The following FAM117A variants were observed in gnomAD, a reference collection of about 807,000 sequenced individuals.
The protein encoded by FAM117A is protein FAM117A.
Under a neutral mutation model 44.1 loss-of-function variants are expected in FAM117A, and 21 were observed. The observed-to-expected ratio is 0.48, with a 90% CI of 0.34 to 0.69. The LOEUF (loss-of-function observed/expected upper bound fraction) is 0.69. FAM117A is among the 30% of genes least tolerant of loss of function. The probability of loss-of-function intolerance (pLI) is 0.01; values close to 1 mark genes in which losing one functional copy is unlikely to be tolerated. For missense variants in FAM117A, 498 were observed against 589.9 expected (o/e 0.84, Z 1.61); for synonymous variants, 220 against 238.3 (o/e 0.92, Z 0.71).
chr17:49,767,405 A>G (rs1365417950), upstream of FAM117A, among the ~76,000 whole-genome samples: 1 of 152,210 alleles, frequency 6.6e-6, no homozygotes, highest in East Asian at 1.9e-4. Flanking sequence ...AATGAACACT[A>G]TGTGCCAGAC....
At chr17:49,750,359 G>C (rs1442647382) in intron 1 of FAM117A, among the ~76,000 whole-genome samples, 2 of 148,990 alleles carry the variant, frequency 1.3e-5, no homozygotes, top group Admixed American at 1.3e-4. Flanking sequence ...CTGGAGGAGG[G>C]GAGGATCAAG....
chr17:49,764,515 G>C (rs1036590038), upstream of FAM117A, among the ~76,000 whole-genome samples: 1 of 152,182 alleles, frequency 6.6e-6, no homozygotes, highest in Non-Finnish European at 1.5e-5. Flanking sequence ...GTGTAGGTTG[G>C]AGTCAAACAC....
chr17:49,720,133 G>A (rs2073526520), intron 4 of FAM117A, 193 bp downstream of exon 4: 2 of 667,738 alleles, frequency 3.0e-6, no homozygotes, highest in South Asian at 3.9e-5. Flanking sequence ...GATGGGGGTA[G>A]AAGAGAGGGA....
chr17:49,764,163 T>A, upstream of FAM117A: 1 of 744,928 alleles, frequency 1.3e-6, no homozygotes, highest in Non-Finnish European at 1.9e-6. Context: ...GCTGCTTATC[T>A]GCTGTACGGG....
intron 1 of FAM117A, among the ~76,000 whole-genome samples, chr17:49,735,637 TTTTTA>T (rs1464709870): frequency 6.6e-6 from 1 of 152,218 alleles, no homozygotes; most frequent in Admixed American, 6.5e-5. Context: ...TTGTCTTTTC[TTTTTA>T]TTTTTTGAGT....
At chr17:49,757,490 G>C (rs2073703548) in intron 1 of FAM117A, among the ~76,000 whole-genome samples, 2 of 152,140 alleles carry the variant, frequency 1.3e-5, no homozygotes, top group Non-Finnish European at 2.9e-5. Context: ...GACCCTGAGG[G>C]GAAAGCACAG....
At chr17:49,777,502 A>G (rs1754468734) in intron 1 of FAM117A, among the ~76,000 whole-genome samples, 1 of 152,162 alleles carries the variant, frequency 6.6e-6, no homozygotes, top group Non-Finnish European at 1.5e-5. Context: ...CAAATCCTCA[A>G]CCTTTTCTTT....
chr17:49,768,695 G>A (rs183264623), upstream of FAM117A, among the ~76,000 whole-genome samples: 90 of 152,222 alleles, frequency 5.9e-4, 1 homozygote, highest in South Asian at 0.013. Context: ...GAGGGTTGAG[G>A]GAATGAATGA....
intron 2 of FAM117A, among the ~76,000 whole-genome samples, chr17:49,728,714 T>A (rs1158809308): frequency 6.6e-6 from 1 of 152,220 alleles, no homozygotes; most frequent in Non-Finnish European, 1.5e-5. Flanking sequence ...CACCGGCATG[T>A]ACTGCCCTCA....
chr17:49,739,883 A>G (rs1477822275), intron 1 of FAM117A, among the ~76,000 whole-genome samples: 1 of 152,250 alleles, frequency 6.6e-6, no homozygotes, highest in Non-Finnish European at 1.5e-5. Context: ...AGCAGCCTCC[A>G]CAGCCCAACC....
intron 6 of FAM117A, 136 bp downstream of exon 6, chr17:49,717,377 G>T: frequency 1.5e-6 from 1 of 675,812 alleles, no homozygotes. Flanking sequence ...ATAATGTGCA[G>T]AAGAAAGATG....
rs1430431944 is a variant in FAM117A at position 49,729,434 on chromosome 17, G to A, written c.366+3117C>T. 2.6e-5 allele frequency among the ~76,000 whole-genome samples: 4 copies of A among 151,426 alleles called. No individual in the cohort carries two copies. In the East Asian group the frequency reaches 7.7e-4, roughly 29 times the overall value. ...TATGACTAGAAGAGAAAGGGCAAAA[G>A]GTAAGGGCAGCGGTAGGAACAGCCC... On this transcript the variant is annotated intron_variant, in intron 2 of 7. Transcript: ENST00000240364.
intron 1 of FAM117A, among the ~76,000 whole-genome samples, chr17:49,772,336 G>A (rs564823352): frequency 3.3e-5 from 5 of 152,002 alleles, no homozygotes; most frequent in East Asian, 1.9e-4. Context: ...AGCTGGGTGC[G>A]GTGGCTCATG....
chr17:49,781,241 C>T (rs1312269872), intron 1 of FAM117A, among the ~76,000 whole-genome samples: 1 of 152,120 alleles, frequency 6.6e-6, no homozygotes, highest in African/African-American at 2.4e-5. Flanking sequence ...TAGGGTTTCC[C>T]AGAAGAGGAA....
chr17:49,755,895 G>A (rs1013451706), intron 1 of FAM117A, among the ~76,000 whole-genome samples: 8 of 152,162 alleles, frequency 5.3e-5, no homozygotes, highest in Non-Finnish European at 7.3e-5. Context: ...TATTGAGCAT[G>A]ACACTCCCCA....
intron 7 of FAM117A, among the ~76,000 whole-genome samples, chr17:49,715,215 A>G (rs147762857): frequency 6.6e-6 from 1 of 152,280 alleles, no homozygotes; most frequent in African/African-American, 2.4e-5. Flanking sequence ...GGCAACAATA[A>G]TAACAGTAAC....
rs2073592505 is a variant in FAM117A at position 49,732,862 on chromosome 17, C to T, written c.197-142G>A. ...ACTGTCCTAAAAGAATTTGAAGCAG[C>T]CTGAAACAGCACATATGGTCTGACA... On this transcript the variant is annotated intron_variant, in intron 1 of 7. Coordinates refer to ENST00000240364, the MANE Select transcript of FAM117A (RefSeq NM_030802.4). 6 of 845,156 alleles carry T rather than the reference C, an allele frequency of 7.1e-6. No individual in the cohort carries two copies. In the East Asian group the frequency reaches 1.6e-4, roughly 23 times the overall value. 52.4% of individuals were successfully genotyped at this position (845,156 alleles called of 1,614,324 possible).
chr17:49,788,975 C>T (rs995815198), upstream of FAM117A: 4 of 888,078 alleles, frequency 4.5e-6, no homozygotes, highest in African/African-American at 3.5e-5. Flanking sequence ...TGTTCAGCTA[C>T]CCTCTCTTCT....
At chr17:49,725,073 C>T (rs541488033) in intron 2 of FAM117A, among the ~76,000 whole-genome samples, 127 of 152,254 alleles carry the variant, frequency 8.3e-4, no homozygotes, top group African/African-American at 3.0e-3. Flanking sequence ...CACGGGCTCT[C>T]CATCCTTGGC....
Sources: allele counts gnomAD v4.1 joint callset (sites outside exome capture counted in the v4.1 genomes callset), GRCh38; gene constraint gnomAD v4.1.1; transcripts MANE v1.5; gene names NCBI Gene and HGNC (gene_info 2026-07-23, HGNC 2026-07-21).